The following BEND6 variants were observed in gnomAD, a reference collection of about 807,000 sequenced individuals.
The protein encoded by BEND6 is BEN domain containing 6, also known as BEN domain-containing protein 6.
A neutral mutation model predicts 31.8 loss-of-function variants in BEND6; 24 were observed. That is an observed-to-expected ratio of 0.75 (90% CI 0.55 to 1.06). BEND6 has a LOEUF of 1.06. BEND6 is among the 50% of genes least tolerant of loss of function. The pLI is 0.00. For missense variants in BEND6, 294 were observed against 327.4 expected (o/e 0.90, Z 0.79); for synonymous variants, 109 against 114.6 (o/e 0.95, Z 0.31).
rs1464996391 is a variant in BEND6, at chr6:56,955,250, T to G, written c.-311T>G. On this transcript the variant is annotated 5_prime_UTR_variant, in exon 1 of 7. In the 5' UTR this introduces an upstream ATG that the reference lacks. Transcript: ENST00000370746. ...CAGTCCGCGCCGTCCGCGGGTGCAT[T>G]GGCCGGGTGCCTCTAGCTTCCCGGA... is the stretch of plus-strand genomic sequence containing the variant. 2 of 152,022 alleles carry G rather than the reference T, an allele frequency of 1.3e-5. No homozygotes were observed. The highest frequency in any genetic ancestry group is 4.8e-5 in the African/African-American group (2 of 41,422). 9.4% of individuals were successfully genotyped at this position (152,022 alleles called of 1,614,324 possible).
intron 1 of BEND6, among the ~76,000 whole-genome samples, chr6:56,975,303 T>C (rs1332120525): frequency 6.6e-6 from 1 of 152,124 alleles, no homozygotes; most frequent in African/African-American, 2.4e-5. Flanking sequence ...AATATTATAG[T>C]TGTAGATATG....
chr6:57,024,274 A>G (rs907883023), intron 6 of BEND6, among the ~76,000 whole-genome samples: 3 of 152,148 alleles, frequency 2.0e-5, no homozygotes, highest in Non-Finnish European at 4.4e-5. Flanking sequence ...AGATAATTTT[A>G]GGTTTGTTTG....
intron 5 of BEND6, among the ~76,000 whole-genome samples, chr6:57,017,760 C>T (rs1827614094): frequency 6.6e-6 from 1 of 151,904 alleles, no homozygotes; most frequent in African/African-American, 2.4e-5. Context: ...CTAATTTGAC[C>T]ATCCTATTTA....
At chr6:57,012,272 G>C (rs1827373945) in intron 3 of BEND6, among the ~76,000 whole-genome samples, 2 of 152,198 alleles carry the variant, frequency 1.3e-5, no homozygotes, top group Non-Finnish European at 2.9e-5. Context: ...CACACAACAT[G>C]AATGTCTTAA....
At chr6:56,971,273 C>G (rs1825679457) in intron 1 of BEND6, among the ~76,000 whole-genome samples, 1 of 152,176 alleles carries the variant, frequency 6.6e-6, no homozygotes, top group Admixed American at 6.5e-5. Flanking sequence ...ATAATGTTCT[C>G]AAGGTAAATC....
At chr6:56,983,573 C>T (rs1174395838) in intron 2 of BEND6, among the ~76,000 whole-genome samples, 1 of 152,116 alleles carries the variant, frequency 6.6e-6, no homozygotes, top group African/African-American at 2.4e-5. Context: ...TTTCTTTCTG[C>T]GTCTGGTTTA....
At chr6:56,997,730 T>C (rs937346150) in intron 3 of BEND6, among the ~76,000 whole-genome samples, 6 of 152,160 alleles carry the variant, frequency 3.9e-5, no homozygotes, top group Non-Finnish European at 8.8e-5. Context: ...ATTTTTTGTA[T>C]TTTTAGTAGA....
chr6:56,987,096 G>C (rs953796506), intron 2 of BEND6, among the ~76,000 whole-genome samples: 2 of 150,162 alleles, frequency 1.3e-5, no homozygotes, highest in Non-Finnish European at 2.9e-5. Context: ...TCGTGCCTCA[G>C]CCTCCCAAGT....
At chr6:56,961,973 G>C (rs1262599686) in intron 1 of BEND6, among the ~76,000 whole-genome samples, 1 of 152,192 alleles carries the variant, frequency 6.6e-6, no homozygotes, top group African/African-American at 2.4e-5. Flanking sequence ...AACTCATGTA[G>C]AAATTAGATT....
At chr6:56,972,521 G>A (rs949419771) in intron 1 of BEND6, among the ~76,000 whole-genome samples, 4 of 152,170 alleles carry the variant, frequency 2.6e-5, no homozygotes, top group African/African-American at 9.6e-5. Context: ...AACTAATTAT[G>A]TACTTTAAAA....
At chr6:56,998,807 A>T (rs1481003388) in intron 3 of BEND6, among the ~76,000 whole-genome samples, 1 of 152,162 alleles carries the variant, frequency 6.6e-6, no homozygotes, top group Non-Finnish European at 1.5e-5. Context: ...CATCAAACCA[A>T]AAAGCTTCTA....
rs1826075328 is a variant in BEND6, at chr6:56,981,701, T to C, written c.-100-10T>C. On this transcript the variant is annotated splice_polypyrimidine_tract_variant and intron_variant, in intron 1 of 6. Transcript: ENST00000370746. ...ATGTTATGTGTCATGTTTTTGTTTT[T>C]GTTTTTAAGGGAAAGCATTAACTTT... 7.6e-6 allele frequency: 10 copies of C among 1,310,698 alleles called. No individual in the cohort carries two copies. Among genetic ancestry groups the C allele is most frequent in the Non-Finnish European group, 9.5e-6 (9 of 947,912 alleles). 81.2% of individuals were successfully genotyped at this position (1,310,698 alleles called of 1,614,324 possible). A position where few individuals can be genotyped will look rare whatever the true frequency, so the allele number is the denominator to read the frequency against.
intron 2 of BEND6, among the ~76,000 whole-genome samples, chr6:56,985,651 A>G (rs1434047760): frequency 6.6e-6 from 1 of 152,216 alleles, no homozygotes; most frequent in Non-Finnish European, 1.5e-5. Flanking sequence ...CAGGGAAATG[A>G]AGCCTTTAGC....
intron 3 of BEND6, among the ~76,000 whole-genome samples, chr6:57,012,306 C>CA (rs949014484): frequency 6.6e-6 from 1 of 151,454 alleles, no homozygotes; most frequent in Non-Finnish European, 1.5e-5. Flanking sequence ...GAAAAAGAGA[C>CA]AAAAAAAGGA....
chr6:56,990,060 T>C (rs896092512), intron 2 of BEND6, among the ~76,000 whole-genome samples: 1 of 152,168 alleles, frequency 6.6e-6, no homozygotes, highest in Non-Finnish European at 1.5e-5. Flanking sequence ...TCTGAAGTTG[T>C]GTATGTGCAT....
intron 1 of BEND6, among the ~76,000 whole-genome samples, chr6:56,961,654 T>C (rs1393124992): frequency 6.6e-6 from 1 of 152,200 alleles, no homozygotes; most frequent in African/African-American, 2.4e-5. Context: ...GGGTTCACAG[T>C]CTGCAAAAAT....
chr6:57,022,164 CT>C (rs57185788), intron 6 of BEND6, among the ~76,000 whole-genome samples: 9,577 of 110,966 alleles, frequency 0.086, 262 homozygotes, highest in African/African-American at 0.15. Context: ...TTTTCTTTTT[CT>C]TTTTTTTTTT....
chr6:57,000,590 A>C (rs9296858), intron 3 of BEND6, among the ~76,000 whole-genome samples: 134,206 of 146,026 alleles, frequency 0.92, 62,302 homozygotes, highest in South Asian at 0.99. Flanking sequence ...AACAAACAAA[A>C]AAAAAAAACC....
chr6:56,982,508 C>T (rs1385002678), intron 2 of BEND6, among the ~76,000 whole-genome samples: 1 of 152,074 alleles, frequency 6.6e-6, no homozygotes, highest in African/African-American at 2.4e-5. Flanking sequence ...AATCTGAATT[C>T]CCCACTCCCA....
Sources: gnomAD v4.1 joint callset for allele counts (sites outside exome capture counted in the v4.1 genomes callset) on GRCh38, gnomAD v4.1.1 for gene constraint, MANE v1.5 for transcripts, NCBI Gene and HGNC (gene_info 2026-07-23, HGNC 2026-07-21) for gene names.